Variants in USP34 observed in about 807,000 individuals in gnomAD.
USP34 encodes ubiquitin carboxyl-terminal hydrolase 34.
Under a neutral mutation model 460.3 loss-of-function variants are expected in USP34, and 70 were observed. The ratio of observed to expected loss-of-function variants is 0.15; its 90% CI spans 0.13 to 0.19. The LOEUF (loss-of-function observed/expected upper bound fraction) is 0.19. Among genes scored for constraint, USP34 ranks in the 10% least tolerant of loss-of-function variants. USP34 has a pLI of 1.00. For synonymous variants in USP34, 1,647 were observed against 1,405.3 expected, an observed-to-expected ratio of 1.17 and a Z score of -3.85; for missense variants, 3,985 against 4,236.2, an observed-to-expected ratio of 0.94 and a Z score of 1.65.
intron 1 of USP34, among the ~76,000 whole-genome samples, chr2:61,444,598 G>C (rs535223651): frequency 6.6e-6 from 1 of 152,058 alleles, no homozygotes; most frequent in South Asian, 2.1e-4. Context: ...AATCAGATGC[G>C]GACTTGTCAT....
chr2:61,390,442 A>T (rs1029291182), intron 5 of USP34, among the ~76,000 whole-genome samples: 7 of 152,242 alleles, frequency 4.6e-5, no homozygotes, highest in African/African-American at 1.7e-4. Context: ...GCATTCGCAA[A>T]GTAAGAAAAC....
intron 1 of USP34, among the ~76,000 whole-genome samples, chr2:61,424,767 A>G (rs1273099788): frequency 6.6e-6 from 1 of 152,116 alleles, no homozygotes; most frequent in Non-Finnish European, 1.5e-5. Flanking sequence ...TTTTACCACA[A>G]TTAAAAATTT....
At position 61,453,916 on chromosome 2, in the gene USP34, T is replaced by C. The variant is rs1573059897; in HGVS notation, c.43+16734A>G. ...AATTCTGTTCTCAGATACTTGTATT[T>C]TGGGTAGAAACAGGGTTTCATCATG... is the stretch of plus-strand genomic sequence containing the variant. On this transcript the variant is annotated intron_variant, in intron 1 of 79. Coordinates refer to ENST00000398571, the MANE Select transcript of USP34 (RefSeq NM_014709.4). 5.3e-5 allele frequency among the ~76,000 whole-genome samples: 8 copies of C among 152,106 alleles called. No homozygotes were observed. The South Asian group carries it at 1.7e-3, about 32-fold the overall frequency.
At chr2:61,358,512 G>A (rs1692175506) in intron 10 of USP34, among the ~76,000 whole-genome samples, 1 of 151,992 alleles carries the variant, frequency 6.6e-6, no homozygotes, top group Non-Finnish European at 1.5e-5. Flanking sequence ...AAAACCCACA[G>A]GCAATATCAT....
At chr2:61,350,072 C>T (rs964960267) in intron 12 of USP34, among the ~76,000 whole-genome samples, 188 bp downstream of exon 12, 3 of 152,102 alleles carry the variant, frequency 2.0e-5, no homozygotes, top group East Asian at 3.8e-4. Context: ...GACTTCATCA[C>T]TATCCTTCAC....
intron 65 of USP34, among the ~76,000 whole-genome samples, chr2:61,222,165 C>T (rs905197904): frequency 1.3e-5 from 2 of 152,200 alleles, no homozygotes; most frequent in African/African-American, 4.8e-5. Context: ...AGATTAAAAG[C>T]TTCCTATAGC....
intron 33 of USP34, among the ~76,000 whole-genome samples, chr2:61,292,205 G>C (rs1334890642): frequency 6.6e-6 from 1 of 151,566 alleles, no homozygotes; most frequent in Non-Finnish European, 1.5e-5. Flanking sequence ...TTCAAAAAAA[G>C]TTTTAAAGGT....
chr2:61,459,754 G>A (rs1573066544), intron 1 of USP34, among the ~76,000 whole-genome samples: 3 of 149,704 alleles, frequency 2.0e-5, no homozygotes, highest in Non-Finnish European at 3.0e-5. Context: ...TCCAGCCTGG[G>A]CTACAGAGCC....
chr2:61,451,399 A>G (rs181225341), intron 1 of USP34, among the ~76,000 whole-genome samples: 1 of 152,120 alleles, frequency 6.6e-6, no homozygotes, highest in Non-Finnish European at 1.5e-5. Flanking sequence ...CAAGACAGAC[A>G]TGGTGCTGGG....
At chr2:61,343,791 A>AT in intron 16 of USP34, 24 bp downstream of exon 16, 1 of 1,599,966 alleles carries the variant, frequency 6.3e-7, no homozygotes, top group Non-Finnish European at 8.6e-7. Flanking sequence ...AAGGTAATAT[A>AT]TTTTACTTAC....
intron 2 of USP34, among the ~76,000 whole-genome samples, chr2:61,415,789 C>G (rs1217962910): frequency 6.6e-6 from 1 of 152,148 alleles, no homozygotes; most frequent in East Asian, 1.9e-4. Flanking sequence ...ATTTTCTTCT[C>G]AGTTTTACCG....
intron 22 of USP34, 43 bp downstream of exon 22, chr2:61,319,130 G>A (rs1418584255): frequency 2.0e-6 from 3 of 1,509,790 alleles, no homozygotes; most frequent in African/African-American, 1.4e-5. Flanking sequence ...GATGAAAAAG[G>A]GAACATGGAA....
chr2:61,430,554 TGA>T (rs1465098278), intron 1 of USP34, among the ~76,000 whole-genome samples: 2 of 152,228 alleles, frequency 1.3e-5, no homozygotes, highest in African/African-American at 4.8e-5. Context: ...GGTTCTTATA[TGA>T]GTGTATACAT....
intron 58 of USP34, 123 bp downstream of exon 58, chr2:61,232,329 A>C: frequency 1.3e-6 from 1 of 785,272 alleles, no homozygotes; most frequent in Non-Finnish European, 2.1e-6. Context: ...TTATGATAGG[A>C]GGCAGATCTT....
chr2:61,309,840 C>T (rs1690532840), intron 27 of USP34, among the ~76,000 whole-genome samples: 1 of 152,172 alleles, frequency 6.6e-6, no homozygotes, highest in Non-Finnish European at 1.5e-5. Flanking sequence ...GATACATACA[C>T]TTGAGAACCT....
rs577950739 is a variant in USP34 at position 61,383,934 on chromosome 2, A to G, written c.754-598T>C. Among the ~76,000 whole-genome samples, 8 of 152,284 alleles carry G rather than the reference A, an allele frequency of 5.3e-5. No homozygotes were observed. The East Asian group carries it at 5.8e-4, about 11-fold the overall frequency. ...AAAGACAAAACCATCTCTCAAAGTA[A>G]TATTTCCTTACCAAATAATTCTCTA... is the stretch of plus-strand genomic sequence containing the variant. On this transcript the variant is annotated intron_variant, in intron 5 of 79. Transcript: ENST00000398571.
chr2:61,282,285 T>C (rs1572898086), intron 37 of USP34, among the ~76,000 whole-genome samples: 1 of 152,142 alleles, frequency 6.6e-6, no homozygotes, highest in African/African-American at 2.4e-5. Context: ...CAGCCAGAGC[T>C]AATATTATTA....
intron 64 of USP34, 164 bp downstream of exon 64, chr2:61,222,896 T>C (rs1687626021): frequency 7.1e-6 from 5 of 700,914 alleles, no homozygotes; most frequent in East Asian, 2.7e-5. Context: ...GGGTTCTCAC[T>C]ATGTTGCCTA....
chr2:61,378,526 C>G, intron 7 of USP34, 102 bp from the exon 8 acceptor site: 2 of 644,570 alleles, frequency 3.1e-6, no homozygotes, highest in Non-Finnish European at 5.3e-6. Context: ...ATGTAGATCA[C>G]AATAACTAGA....
Sources: gnomAD v4.1 joint callset for allele counts (sites outside exome capture counted in the v4.1 genomes callset) on GRCh38, gnomAD v4.1.1 for gene constraint, MANE v1.5 for transcripts, NCBI Gene and HGNC (gene_info 2026-07-23, HGNC 2026-07-21) for gene names.